The following MYCBP2 variants were observed in gnomAD, a reference collection of about 807,000 sequenced individuals.
MYCBP2 encodes the protein E3 ubiquitin-protein ligase MYCBP2.
A neutral mutation model predicts 525.3 loss-of-function variants in MYCBP2; 120 were observed. The observed-to-expected ratio is 0.23, with a 90% CI of 0.20 to 0.27. The LOEUF (loss-of-function observed/expected upper bound fraction) is 0.27, where lower values mean the gene tolerates loss of function less well. MYCBP2 is among the 10% of genes least tolerant of loss of function. MYCBP2 has a pLI of 1.00. For synonymous variants in MYCBP2, 1,894 were observed against 1,955.8 expected (o/e 0.97, Z 0.83); for missense variants, 4,149 against 5,657.1 (o/e 0.73, Z 8.55).
At chr13:77,103,445 C>A (rs1208055335) in intron 55 of MYCBP2, 1 of 388,506 alleles carries the variant, frequency 2.6e-6, no homozygotes, top group Non-Finnish European at 4.5e-6. Flanking sequence ...TTATATTCTG[C>A]TATATTTTTG....
Position 77,206,790 on chromosome 13 carries a change from T to C in MYCBP2, c.3452A>G (p.Asn1151Ser), listed in dbSNP as rs752739048. Residue 1151 changes from asparagine to serine, a missense_variant, in exon 24 of 83, where the codon AAT becomes AGT. Physicochemically the swap from Asn to Ser is conservative, Grantham distance 46. This residue lies in a region of MYCBP2 where 620 missense variants were observed against 795.5 expected (regional missense o/e 0.78). Transcript: ENST00000544440. Reference protein sequence around the residue: ...RPNTRELWCYNAVVADARLPS... With the variant: ...RPNTRELWCYSAVVADARLPS... ...AAGCCTGGCATCAGCAACCACCGCATTGTAACACCACAGCTCTCTAGTATT... is the reference window on the plus strand; with the variant it reads ...AAGCCTGGCATCAGCAACCACCGCACTGTAACACCACAGCTCTCTAGTATT... The C allele has an allele frequency of 6.8e-6, 11 of 1,611,014 alleles. No homozygotes were observed. Among genetic ancestry groups the C allele is most frequent in the South Asian group, 1.1e-5 (1 of 90,706 alleles).
At chr13:77,062,197 C>T (rs188477097) in intron 74 of MYCBP2, among the ~76,000 whole-genome samples, 35 of 152,266 alleles carry the variant, frequency 2.3e-4, no homozygotes, top group Admixed American at 1.9e-3. Flanking sequence ...CCCATCAAAC[C>T]TACTTAAGTA....
intron 26 of MYCBP2, among the ~76,000 whole-genome samples, chr13:77,203,029 TG>T (rs1456246473): frequency 6.6e-6 from 1 of 151,192 alleles, no homozygotes; most frequent in African/African-American, 2.4e-5. Context: ...AACATAGTGT[TG>T]GAAGTTCTGG....
At chr13:77,147,922 T>C (rs1292246851) in intron 47 of MYCBP2, among the ~76,000 whole-genome samples, 1 of 152,122 alleles carries the variant, frequency 6.6e-6, no homozygotes, top group Non-Finnish European at 1.5e-5. Flanking sequence ...TGTTTGGGAA[T>C]GGTATTCCAT....
chr13:77,245,075 C>T (rs2069615473), intron 15 of MYCBP2, among the ~76,000 whole-genome samples: 2 of 152,084 alleles, frequency 1.3e-5, no homozygotes, highest in African/African-American at 4.8e-5. Context: ...ACGCCAGTTA[C>T]AATGGTGATC....
chr13:77,288,283 C>G lies in MYCBP2; in HGVS notation c.472G>C (p.Val158Leu). Reference sequence around the variant, plus strand: ...ATTTCCTTTTTCTGCCATTCCAGAACGCAATGGCGTACATTACAGTAAATA... The same window carrying G: ...ATTTCCTTTTTCTGCCATTCCAGAAGGCAATGGCGTACATTACAGTAAATA... The part of the protein sequence containing the change: ...FNIYCNVRHC[V>L]LEWQKKEISL... The change falls in exon 3 of 83, where the codon GTT becomes CTT. Residue 158 changes from valine (V) to leucine (L), a missense_variant. This residue lies in a region of MYCBP2 where 413 missense variants were observed against 451.2 expected (regional missense o/e 0.92). Transcript: ENST00000544440. 6.8e-6 allele frequency: 11 copies of G among 1,614,040 alleles called. No homozygotes were observed. The highest frequency in any genetic ancestry group is 9.3e-6 in the Non-Finnish European group (11 of 1,179,910).
At chr13:77,052,731 G>T (rs978878638) in intron 80 of MYCBP2, among the ~76,000 whole-genome samples, 1 of 152,110 alleles carries the variant, frequency 6.6e-6, no homozygotes, top group Admixed American at 6.5e-5. Context: ...TTATAATACT[G>T]TAGAACAAAA....
intron 14 of MYCBP2, among the ~76,000 whole-genome samples, chr13:77,252,920 C>G (rs2154330843): frequency 6.6e-6 from 1 of 152,140 alleles, no homozygotes. Flanking sequence ...GAACTATTAT[C>G]CTCAAATTAA....
chr13:77,323,775 T>C (rs764391241), intron 1 of MYCBP2, among the ~76,000 whole-genome samples: 1 of 152,196 alleles, frequency 6.6e-6, no homozygotes, highest in Non-Finnish European at 1.5e-5. Context: ...ATTGGGATTA[T>C]CAAAACGAAT....
chr13:77,124,285 A>G (rs2051272584), intron 54 of MYCBP2, among the ~76,000 whole-genome samples: 1 of 152,094 alleles, frequency 6.6e-6, no homozygotes, highest in East Asian at 1.9e-4. Flanking sequence ...TTGTGGGGGG[A>G]AAAAGGGAGA....
intron 23 of MYCBP2, among the ~76,000 whole-genome samples, chr13:77,207,030 G>C (rs967161350): frequency 1.3e-5 from 2 of 152,020 alleles, no homozygotes; most frequent in Admixed American, 6.6e-5. Flanking sequence ...TAGTAACGTA[G>C]ATTATAATAC....
chr13:77,278,845 G>A lies in MYCBP2; in HGVS notation c.661C>T (p.Leu221=), dbSNP rs550668288. The A allele has an allele frequency of 8.9e-5, 143 of 1,599,486 alleles. 2 individuals carry two copies. The South Asian group carries it at 1.6e-3, about 18-fold the overall frequency. ...IKETRFSHPS[L]CLRSLQALLN... The stretch of plus-strand genomic sequence containing the variant: ...AGGGCTTGGAGACTCCTGAGACACA[G>A]GGATGGATGAGAAAATCGTGTCTCT... The change falls in exon 4 of 83, where the codon CTG becomes TTG. Residue 221 remains leucine (L), a synonymous_variant. Transcript: ENST00000544440.
rs542993734 is a variant in MYCBP2 at position 77,062,859 on chromosome 13, G to A, written c.12673-162C>T. Among the ~76,000 whole-genome samples the A allele has an allele frequency of 2.3e-4, 35 of 152,266 alleles. 1 individual carries two copies. The South Asian group carries it at 4.6e-3, about 20-fold the overall frequency. On this transcript the variant is annotated intron_variant, in intron 73 of 82. Transcript: ENST00000544440. ...TCCTGATGTGGTAGCAGGCATACAC[G>A]ATCACTGTCCTATGTGCCATGCACA...
At chr13:77,109,424 T>C (rs1229336990) in intron 55 of MYCBP2, among the ~76,000 whole-genome samples, 8 of 152,198 alleles carry the variant, frequency 5.3e-5, no homozygotes. Context: ...CCTCCTGCTG[T>C]ACAGCTGGGT....
intron 39 of MYCBP2, among the ~76,000 whole-genome samples, chr13:77,169,048 A>G (rs185277200): frequency 2.0e-5 from 3 of 152,354 alleles, no homozygotes; most frequent in Admixed American, 2.0e-4. Flanking sequence ...AGTTAACATA[A>G]TCTTTCCTTA....
At chr13:77,253,600 A>G (rs1433691638) in intron 14 of MYCBP2, among the ~76,000 whole-genome samples, 1 of 151,864 alleles carries the variant, frequency 6.6e-6, no homozygotes, top group Admixed American at 6.6e-5. Context: ...AGGAACATAC[A>G]GTGGGGCTTT....
rs764970669 is a variant in MYCBP2 at position 77,097,755 on chromosome 13, A to G, written c.9399T>C (p.Cys3133=). ...MLKEPPLHEK[C]EDGKTETTFE... ...AAGTGGTCTCGGTTTTCCCATCCTC[A>G]CATTTTTCATGCAGAGGTGGTTCCT... is the stretch of plus-strand genomic sequence containing the variant. Residue 3133 remains cysteine (C), a synonymous_variant, in exon 56 of 83, where the codon TGT becomes TGC. Transcript: ENST00000544440. 3 of 1,613,626 alleles carry G rather than the reference A, an allele frequency of 1.9e-6. No individual in the cohort carries two copies. Among genetic ancestry groups the G allele is most frequent in the Non-Finnish European group, 2.5e-6 (3 of 1,179,766 alleles).
chr13:77,063,526 C>G (rs1443130551), intron 73 of MYCBP2, among the ~76,000 whole-genome samples: 1 of 141,974 alleles, frequency 7.0e-6, no homozygotes, highest in Non-Finnish European at 1.5e-5. Flanking sequence ...CCATTGCACT[C>G]CAGCCTGGGC....
intron 1 of MYCBP2, among the ~76,000 whole-genome samples, chr13:77,307,681 C>T (rs2079641800): frequency 6.8e-6 from 1 of 146,296 alleles, no homozygotes; most frequent in Non-Finnish European, 1.5e-5. Flanking sequence ...TTTTTTAACA[C>T]CTTACTATCA....
Sources: allele counts gnomAD v4.1 joint callset (sites outside exome capture counted in the v4.1 genomes callset), GRCh38; gene constraint gnomAD v4.1.1; regional missense constraint gnomAD v4.1.1; transcripts MANE v1.5; gene names NCBI Gene and HGNC (gene_info 2026-07-23, HGNC 2026-07-21).